Variants in NRXN1 observed in about 807,000 individuals in gnomAD.
NRXN1 encodes neurexin 1, also known as neurexin-1.
Under a neutral mutation model 150.9 loss-of-function variants are expected in NRXN1, and 39 were observed. The observed-to-expected ratio is 0.26, with a 90% CI of 0.20 to 0.34. The LOEUF (loss-of-function observed/expected upper bound fraction) is 0.34. NRXN1 is among the 10% of genes least tolerant of loss of function. NRXN1 has a pLI of 1.00. For synonymous variants in NRXN1, 924 were observed against 757.0 expected, an observed-to-expected ratio of 1.22 and a Z score of -3.62; for missense variants, 1,815 against 1,949.9, an observed-to-expected ratio of 0.93 and a Z score of 1.30.
chr2:50,213,406 G>T (rs1192465072), intron 18 of NRXN1, among the ~76,000 whole-genome samples: 5 of 151,866 alleles, frequency 3.3e-5, no homozygotes, highest in Admixed American at 6.6e-5. Flanking sequence ...AAATTGGGAT[G>T]AATATATTGT....
At chr2:50,493,515 T>C (rs1021145062) in intron 15 of NRXN1, among the ~76,000 whole-genome samples, 1 of 152,142 alleles carries the variant, frequency 6.6e-6, no homozygotes, top group Non-Finnish European at 1.5e-5. Context: ...AGAAACCCTG[T>C]TGTCCTCTTT....
chr2:50,125,553 G>C (rs1704460921), intron 18 of NRXN1, among the ~76,000 whole-genome samples: 1 of 151,840 alleles, frequency 6.6e-6, no homozygotes, highest in Non-Finnish European at 1.5e-5. Context: ...GATGAAAATG[G>C]CACAACCCGG....
At chr2:50,764,938 T>C (rs888225659) in intron 5 of NRXN1, among the ~76,000 whole-genome samples, 2 of 152,038 alleles carry the variant, frequency 1.3e-5, no homozygotes, top group South Asian at 2.1e-4. Flanking sequence ...GATGTGTTTA[T>C]GGAATTTGCA....
chr2:50,594,853 G>T (rs533762538), intron 8 of NRXN1, among the ~76,000 whole-genome samples: 32 of 152,142 alleles, frequency 2.1e-4, no homozygotes, highest in African/African-American at 7.2e-4. Flanking sequence ...AACACCAGGG[G>T]TGACTCTCAT....
chr2:50,572,365 T>C (rs891743055), intron 8 of NRXN1, among the ~76,000 whole-genome samples: 13 of 152,242 alleles, frequency 8.5e-5, no homozygotes, highest in African/African-American at 2.9e-4. Context: ...TTAATAATTA[T>C]ACTGTTTTGT....
chr2:50,246,679 C>CA (rs1393265169), intron 17 of NRXN1, among the ~76,000 whole-genome samples: 1 of 151,946 alleles, frequency 6.6e-6, no homozygotes. Flanking sequence ...ATGCAATACA[C>CA]ATTCTCCTCT....
intron 12 of NRXN1, among the ~76,000 whole-genome samples, chr2:50,523,585 T>A (rs780600983): frequency 6.6e-6 from 1 of 152,228 alleles, no homozygotes; most frequent in African/African-American, 2.4e-5. Context: ...TGCATTCTTT[T>A]ATTGCTTTCC....
At chr2:50,771,753 G>A (rs1351392654) in intron 5 of NRXN1, among the ~76,000 whole-genome samples, 1 of 152,068 alleles carries the variant, frequency 6.6e-6, no homozygotes, top group Non-Finnish European at 1.5e-5. Flanking sequence ...AAGTGCTACT[G>A]GTGAAATAGA....
chr2:50,084,643 G>A (rs1259369408), intron 19 of NRXN1, among the ~76,000 whole-genome samples: 1 of 152,198 alleles, frequency 6.6e-6, no homozygotes. Flanking sequence ...GCCATCCCAG[G>A]AAGGGGCTCC....
intron 9 of NRXN1, among the ~76,000 whole-genome samples, chr2:50,541,001 C>A (rs954429753): frequency 3.3e-5 from 5 of 152,034 alleles, no homozygotes; most frequent in African/African-American, 7.2e-5. Context: ...AAGGATTCTA[C>A]TCTATTTTCC....
At chr2:50,373,285 A>AT (rs2080160569) in intron 17 of NRXN1, among the ~76,000 whole-genome samples, 1 of 128,496 alleles carries the variant, frequency 7.8e-6, no homozygotes, top group Non-Finnish European at 1.6e-5. Context: ...GATTTATTTT[A>AT]TTTTATTTTT....
chr2:50,301,537 A>G (rs2074149203), intron 17 of NRXN1, among the ~76,000 whole-genome samples: 1 of 152,224 alleles, frequency 6.6e-6, no homozygotes, highest in Admixed American at 6.5e-5. Flanking sequence ...CTCAACATCA[A>G]CAGATTTTTT....
chr2:50,148,640 C>G (rs2058511038), intron 18 of NRXN1, among the ~76,000 whole-genome samples: 2 of 151,712 alleles, frequency 1.3e-5, no homozygotes, highest in South Asian at 4.1e-4. Flanking sequence ...ATATTCCTCT[C>G]TTTCTCTTTG....
chr2:50,859,697 A>G lies in NRXN1; in HGVS notation c.832+62172T>C, dbSNP rs372589172. ...GCCAGTATAATGACTGCAAGGTGCA[A>G]CTACAGAGTACCCACAGTTCTCCAT... On this transcript the variant is annotated intron_variant, in intron 5 of 22. Transcript: ENST00000401669. 6.6e-5 allele frequency among the ~76,000 whole-genome samples: 10 copies of G among 152,054 alleles called. 1 individual carries two copies. The highest frequency in any genetic ancestry group is 1.9e-4 in the African/African-American group (8 of 41,512).
intron 17 of NRXN1, among the ~76,000 whole-genome samples, chr2:50,360,372 T>C (rs1223928745): frequency 1.3e-5 from 2 of 152,208 alleles, no homozygotes; most frequent in Non-Finnish European, 1.5e-5. Flanking sequence ...CCATCTCATA[T>C]ACACAGACAC....
intron 17 of NRXN1, among the ~76,000 whole-genome samples, chr2:50,335,238 G>C (rs1412368726): frequency 6.6e-6 from 1 of 152,130 alleles, no homozygotes; most frequent in Non-Finnish European, 1.5e-5. Flanking sequence ...AATTACAGTT[G>C]CTGAGCATTT....
At chr2:49,942,646 G>A (rs904674861) in intron 22 of NRXN1, among the ~76,000 whole-genome samples, 6 of 151,226 alleles carry the variant, frequency 4.0e-5, no homozygotes, top group African/African-American at 1.5e-4. Flanking sequence ...ATCCCACTCT[G>A]TCACCCAGGC....
At chr2:50,026,201 C>A (rs1435144722) in intron 21 of NRXN1, among the ~76,000 whole-genome samples, 1 of 152,098 alleles carries the variant, frequency 6.6e-6, no homozygotes, top group South Asian at 2.1e-4. Flanking sequence ...TAGAAAAAAT[C>A]CACTAGATTT....
chr2:49,947,344 C>T (rs1673088418), intron 21 of NRXN1, among the ~76,000 whole-genome samples: 2 of 151,846 alleles, frequency 1.3e-5, no homozygotes, highest in Admixed American at 6.6e-5. Flanking sequence ...GTGATATTGC[C>T]ACCTTTTCCT....
Sources: allele counts gnomAD v4.1 joint callset (sites outside exome capture counted in the v4.1 genomes callset), GRCh38; gene constraint gnomAD v4.1.1; transcripts MANE v1.5; gene names NCBI Gene and HGNC (gene_info 2026-07-23, HGNC 2026-07-21).